Variants in FAM222B observed in about 807,000 individuals in gnomAD.
The protein encoded by FAM222B is family with sequence similarity 222 member B, also known as protein FAM222B.
Under a neutral mutation model 38.0 loss-of-function variants are expected in FAM222B, and 12 were observed. The observed-to-expected ratio is 0.32, with a 90% CI of 0.20 to 0.51. The LOEUF (loss-of-function observed/expected upper bound fraction) is 0.51. FAM222B is among the 20% of genes least tolerant of loss of function. The pLI is 0.97. For missense variants in FAM222B, 716 were observed against 754.2 expected (o/e 0.95, Z 0.59); for synonymous variants, 329 against 317.2 (o/e 1.04, Z -0.40).
chr17:28,816,353 C>G (rs1404909439), intron 1 of FAM222B, among the ~76,000 whole-genome samples: 2 of 152,092 alleles, frequency 1.3e-5, no homozygotes, highest in African/African-American at 4.8e-5. Flanking sequence ...ATTTTATCAT[C>G]TTTAAACTAT....
At position 28,757,839 on chromosome 17, in the gene FAM222B, C is replaced by A. The variant is rs1174676301; in HGVS notation, c.*431G>T. ...CACCTGGGAAATCTTGCTTCTTAGT[C>A]CTGGAGGGAGGGGAAGGGGGGTAGC... On this transcript the variant is annotated 3_prime_UTR_variant, in exon 3 of 3. Coordinates refer to ENST00000581407, the MANE Select transcript of FAM222B (RefSeq NM_001077498.3). 1 of 159,394 alleles carries A rather than the reference C, an allele frequency of 6.3e-6. No individual in the cohort carries two copies. Among genetic ancestry groups the A allele is most frequent in the African/African-American group, 2.4e-5 (1 of 41,536 alleles). 9.9% of individuals were successfully genotyped at this position (159,394 alleles called of 1,614,324 possible). A position where few individuals can be genotyped will look rare whatever the true frequency, so the allele number is the denominator to read the frequency against.
chr17:28,764,128 A>G (rs868633762), intron 2 of FAM222B, among the ~76,000 whole-genome samples: 1 of 152,090 alleles, frequency 6.6e-6, no homozygotes, highest in Non-Finnish European at 1.5e-5. Context: ...AGAAAGAAAA[A>G]ATTTCCAGTG....
chr17:28,761,237 TG>T (rs1193992076), intron 2 of FAM222B, among the ~76,000 whole-genome samples: 1 of 152,250 alleles, frequency 6.6e-6, no homozygotes. Flanking sequence ...GAAAAGGTTC[TG>T]AGAACAAGGG....
At chr17:28,760,133 G>A (rs1187411728) in intron 2 of FAM222B, among the ~76,000 whole-genome samples, 1 of 152,222 alleles carries the variant, frequency 6.6e-6, no homozygotes, top group Non-Finnish European at 1.5e-5. Flanking sequence ...CACTATTGCT[G>A]TAGAAGCAGG....
chr17:28,816,881 A>G (rs954489126), intron 1 of FAM222B, among the ~76,000 whole-genome samples: 1 of 152,172 alleles, frequency 6.6e-6, no homozygotes, highest in African/African-American at 2.4e-5. Context: ...GCAAGGTGTA[A>G]CAGTAATTAA....
chr17:28,758,606 T>C lies in FAM222B; in HGVS notation c.1353A>G (p.Gln451=), dbSNP rs578011567. 8 of 1,610,964 alleles carry C rather than the reference T, an allele frequency of 5.0e-6. No individual in the cohort carries two copies. The African/African-American group carries it at 8.0e-5, about 16-fold the overall frequency. The change falls in exon 3 of 3, where the codon CAA becomes CAG. Residue 451 remains glutamine, a synonymous_variant. Coordinates refer to ENST00000581407, the MANE Select transcript of FAM222B (RefSeq NM_001077498.3). ...PLAYPNGHYF[Q]PLWNNILPTP... ...TGGGCAGAATGTTGTTCCACAGGGGTTGGAAGTAGTGACCATTGGGGTAGG... is the reference window on the plus strand; with the variant it reads ...TGGGCAGAATGTTGTTCCACAGGGGCTGGAAGTAGTGACCATTGGGGTAGG...
intron 1 of FAM222B, among the ~76,000 whole-genome samples, chr17:28,809,352 CAAA>C (rs146580054): frequency 6.3e-5 from 4 of 63,030 alleles, no homozygotes; most frequent in Admixed American, 3.5e-4. Context: ...GACTCCGTCT[CAAA>C]AAAAAAAAAA....
At chr17:28,824,181 A>ATTTTTTTTTTTTTT (rs1303140162) in intron 1 of FAM222B, among the ~76,000 whole-genome samples, 1 of 140,320 alleles carries the variant, frequency 7.1e-6, no homozygotes, top group Non-Finnish European at 1.6e-5. Context: ...CCGGCCGAGA[A>ATTTTTTTTTTTTTT]TTTTTTTTTT....
intron 1 of FAM222B, among the ~76,000 whole-genome samples, chr17:28,811,563 G>A (rs2078867507): frequency 6.6e-6 from 1 of 152,146 alleles, no homozygotes; most frequent in South Asian, 2.1e-4. Context: ...GTGAATATAA[G>A]AAATATACCA....
chr17:28,766,483 C>A lies in FAM222B; in HGVS notation c.82+103G>T, dbSNP rs1011887607. The A allele has an allele frequency of 6.5e-5, 56 of 860,578 alleles. No individual in the cohort carries two copies. In the South Asian group the frequency reaches 8.7e-4, roughly 13 times the overall value. 53.3% of individuals were successfully genotyped at this position (860,578 alleles called of 1,614,324 possible). On this transcript the variant is annotated intron_variant, in intron 2 of 2. Transcript: ENST00000581407. ...AAAAAAAAAAAAAAAAGAAAGGTGT[C>A]AAAATTCAAGGTCAGTGTACCCCAG... is the stretch of plus-strand genomic sequence containing the variant.
At chr17:28,791,053 G>A in intron 1 of FAM222B, among the ~76,000 whole-genome samples, 1 of 151,284 alleles carries the variant, frequency 6.6e-6, no homozygotes, top group Non-Finnish European at 1.5e-5. Context: ...GACTACAGGT[G>A]CCCGCCACCA....
chr17:28,801,451 C>CAAAAAAA (rs766189732), intron 1 of FAM222B, among the ~76,000 whole-genome samples: 2 of 90,310 alleles, frequency 2.2e-5, no homozygotes, highest in African/African-American at 8.6e-5. Flanking sequence ...GACTCCGTCT[C>CAAAAAAA]AAAAAAAAAA....
chr17:28,822,928 T>C (rs1289077728), intron 1 of FAM222B, among the ~76,000 whole-genome samples: 3 of 127,644 alleles, frequency 2.4e-5, no homozygotes, highest in Non-Finnish European at 3.2e-5. Flanking sequence ...CGTGCTTCCA[T>C]GCGCAGGTAG....
At chr17:28,812,090 A>T (rs2151927400) in intron 1 of FAM222B, 1 of 152,348 alleles carries the variant, frequency 6.6e-6, no homozygotes, top group South Asian at 2.1e-4. Flanking sequence ...AAGGGTAGAA[A>T]CAGATAATCA....
Position 28,758,301 on chromosome 17 carries a change from C to T in FAM222B, c.1658G>A (p.Ser553Asn), listed in dbSNP as rs1193323738. The change falls in exon 3 of 3, where the codon AGT becomes AAT. Residue 553 changes from serine (S) to asparagine (N), a missense_variant. Coordinates refer to ENST00000581407, the MANE Select transcript of FAM222B (RefSeq NM_001077498.3). Reference protein sequence around the residue: ...NRAPDPTESRSLHIQHPGYR With the variant: ...NRAPDPTESRNLHIQHPGYR Reference sequence around the variant, plus strand: ...ATACCCTGGGTGCTGAATATGAAGACTTCGACTCTCTGTGGGATCGGGGGC... The same window carrying T: ...ATACCCTGGGTGCTGAATATGAAGATTTCGACTCTCTGTGGGATCGGGGGC... 6.2e-7 allele frequency: 1 copy of T among 1,600,822 alleles called. No homozygotes were observed. Among genetic ancestry groups the T allele is most frequent in the Non-Finnish European group, 8.5e-7 (1 of 1,173,934 alleles).
At chr17:28,803,941 A>G (rs537057093) in intron 1 of FAM222B, among the ~76,000 whole-genome samples, 1 of 151,982 alleles carries the variant, frequency 6.6e-6, no homozygotes, top group African/African-American at 2.4e-5. Context: ...AGATCATGCC[A>G]CTGCGCTCCA....
chr17:28,815,736 A>G (rs2037997280), intron 1 of FAM222B, among the ~76,000 whole-genome samples: 2 of 152,144 alleles, frequency 1.3e-5, no homozygotes, highest in Non-Finnish European at 2.9e-5. Context: ...TGGCTGAGAC[A>G]GGCAGATCTC....
intron 1 of FAM222B, among the ~76,000 whole-genome samples, chr17:28,782,551 T>C (rs564737352): frequency 1.6e-4 from 24 of 152,334 alleles, no homozygotes; most frequent in Middle Eastern, 3.4e-3. Flanking sequence ...TATGTTAATA[T>C]TGTTAAAGGA....
intron 1 of FAM222B, among the ~76,000 whole-genome samples, chr17:28,839,122 G>A (rs185628020): frequency 1.3e-5 from 2 of 152,132 alleles, no homozygotes; most frequent in Admixed American, 1.3e-4. Context: ...CAGGAGAATG[G>A]CGAGAACCCG....
Sources: allele counts gnomAD v4.1 joint callset (sites outside exome capture counted in the v4.1 genomes callset), GRCh38; gene constraint gnomAD v4.1.1; transcripts MANE v1.5; gene names NCBI Gene and HGNC (gene_info 2026-07-23, HGNC 2026-07-21).